The following SAMD8 variants were observed in gnomAD, a reference collection of about 807,000 sequenced individuals.
The protein encoded by SAMD8 is sterile alpha motif domain containing 8, also known as sphingomyelin synthase-related protein 1.
A neutral mutation model predicts 42.0 loss-of-function variants in SAMD8; 20 were observed. The observed-to-expected ratio is 0.48, with a 90% CI of 0.34 to 0.69. The LOEUF (loss-of-function observed/expected upper bound fraction) is 0.69. Ranked by LOEUF, SAMD8 falls within the 30% of genes least tolerant of loss-of-function variation. The pLI is 0.01. For synonymous variants in SAMD8, 162 were observed against 173.0 expected (o/e 0.94, Z 0.50); for missense variants, 328 against 511.6 (o/e 0.64, Z 3.46).
intron 4 of SAMD8, 84 bp from the exon 5 acceptor site, chr10:75,175,982 A>G (rs1840982158): frequency 6.5e-7 from 1 of 1,534,094 alleles, no homozygotes; most frequent in Non-Finnish European, 8.7e-7. Flanking sequence ...GTTATTCAGC[A>G]TTTGAATTTC....
intron 1 of SAMD8, among the ~76,000 whole-genome samples, chr10:75,100,613 G>A (rs1373980621): frequency 6.6e-6 from 1 of 152,128 alleles, no homozygotes; most frequent in Non-Finnish European, 1.5e-5. Flanking sequence ...GGGCCCGGCC[G>A]AGCTCCCCTC....
chr10:75,161,912 C>T (rs1435918170), intron 2 of SAMD8, among the ~76,000 whole-genome samples: 3 of 151,996 alleles, frequency 2.0e-5, no homozygotes, highest in Non-Finnish European at 4.4e-5. Flanking sequence ...TGGCAGGTGC[C>T]TATAATCCCA....
At chr10:75,121,511 T>C (rs1298375638) in intron 1 of SAMD8, among the ~76,000 whole-genome samples, 1 of 152,226 alleles carries the variant, frequency 6.6e-6, no homozygotes, top group African/African-American at 2.4e-5. Flanking sequence ...TTTCTGTTTG[T>C]AATCTCTGGA....
At position 75,111,686 on chromosome 10, in the gene SAMD8, G is replaced by T; in HGVS notation, c.-52G>T. 1 of 1,237,864 alleles carries T rather than the reference G, an allele frequency of 8.1e-7. No homozygotes were observed. 76.7% of individuals were successfully genotyped at this position (1,237,864 alleles called of 1,614,324 possible). A position where few individuals can be genotyped will look rare whatever the true frequency, so the allele number is the denominator to read the frequency against. ...CCGACGGCGGCTCGGACGCCGACTC[G>T]GAGGTGGGTCCGGGGAGCCCGACTC... On this transcript the variant is annotated 5_prime_UTR_variant, in exon 1 of 6. Coordinates refer to ENST00000542569, the MANE Select transcript of SAMD8 (RefSeq NM_001174156.2).
At chr10:75,136,321 A>G (rs1839885061) in intron 1 of SAMD8, among the ~76,000 whole-genome samples, 1 of 152,228 alleles carries the variant, frequency 6.6e-6, no homozygotes, top group African/African-American at 2.4e-5. Flanking sequence ...TTTTTGAAAT[A>G]AAACATGTCA....
chr10:75,153,072 C>T (rs1452576220), intron 2 of SAMD8, among the ~76,000 whole-genome samples: 4 of 152,090 alleles, frequency 2.6e-5, no homozygotes, highest in African/African-American at 9.7e-5. Context: ...ACCTCCGCCT[C>T]CTGGGTTCAA....
At chr10:75,161,527 G>T (rs773596440) in intron 2 of SAMD8, among the ~76,000 whole-genome samples, 4 of 151,430 alleles carry the variant, frequency 2.6e-5, no homozygotes, top group African/African-American at 9.7e-5. Flanking sequence ...GAAACCAGAC[G>T]TCTGAGAAAA....
chr10:75,151,646 C>T (rs1398459792), intron 2 of SAMD8, among the ~76,000 whole-genome samples: 1 of 151,960 alleles, frequency 6.6e-6, no homozygotes, highest in Non-Finnish European at 1.5e-5. Context: ...GCCATCATGG[C>T]CTGGACTGCT....
intron 1 of SAMD8, among the ~76,000 whole-genome samples, chr10:75,124,661 C>T (rs181161934): frequency 1.8e-4 from 27 of 150,176 alleles, no homozygotes; most frequent in African/African-American, 4.4e-4. Flanking sequence ...GAGAGCAAAA[C>T]GGTACACATA....
At chr10:75,153,895 G>A (rs1004700792) in intron 2 of SAMD8, among the ~76,000 whole-genome samples, 1 of 151,894 alleles carries the variant, frequency 6.6e-6, no homozygotes, top group Non-Finnish European at 1.5e-5. Context: ...CTCCCAAGTA[G>A]CTGGGATTAC....
intron 4 of SAMD8, among the ~76,000 whole-genome samples, chr10:75,173,310 TGCTTGAAATTGCATTCCTGGAA>T (rs1482000600): frequency 3.9e-5 from 6 of 152,234 alleles, no homozygotes; most frequent in Admixed American, 3.9e-4. Flanking sequence ...ATAAATTAAT[TGCTTGAAATTGCATTCCTGGAA>T]GTAAGGGGTT....
intron 2 of SAMD8, among the ~76,000 whole-genome samples, chr10:75,158,173 AAAAAG>A (rs943857116): frequency 2.0e-5 from 3 of 151,716 alleles, no homozygotes; most frequent in Admixed American, 6.6e-5. Context: ...AAAAAAAGAA[AAAAAG>A]AAGGAAGTAA....
upstream of SAMD8, chr10:75,108,342 T>C (rs1564669607): frequency 3.5e-6 from 5 of 1,438,250 alleles, no homozygotes; most frequent in African/African-American, 7.2e-5. Flanking sequence ...AAGCTCCAAG[T>C]GGGGTCTGAC....
intron 2 of SAMD8, among the ~76,000 whole-genome samples, chr10:75,153,091 C>T (rs1002661815): frequency 7.9e-5 from 12 of 151,986 alleles, no homozygotes; most frequent in African/African-American, 2.7e-4. Flanking sequence ...AAGTGATTCT[C>T]CTGCCTCAGC....
intron 1 of SAMD8, among the ~76,000 whole-genome samples, chr10:75,118,494 A>C (rs547704798): frequency 1.3e-5 from 2 of 152,244 alleles, no homozygotes; most frequent in South Asian, 4.1e-4. Flanking sequence ...AAATATAAAA[A>C]TTAGCCAGGT....
upstream of SAMD8, chr10:75,108,958 A>G (rs1589923501): frequency 6.5e-7 from 1 of 1,548,352 alleles, no homozygotes; most frequent in South Asian, 1.2e-5. Context: ...GCGACCAAGA[A>G]CTGCCTCTCC....
At chr10:75,103,142 G>C (rs1163989227) in intron 1 of SAMD8, among the ~76,000 whole-genome samples, 1 of 152,218 alleles carries the variant, frequency 6.6e-6, no homozygotes, top group Non-Finnish European at 1.5e-5. Context: ...GGGTATTATA[G>C]AAGAAGGGCA....
chr10:75,146,195 C>T (rs543957630), intron 1 of SAMD8, among the ~76,000 whole-genome samples: 6 of 151,482 alleles, frequency 4.0e-5, no homozygotes, highest in Non-Finnish European at 7.4e-5. Flanking sequence ...AACTCAAGGC[C>T]GTAACCTGGG....
chr10:75,167,079 A>G (rs1840701209), intron 3 of SAMD8, among the ~76,000 whole-genome samples: 1 of 152,196 alleles, frequency 6.6e-6, no homozygotes, highest in African/African-American at 2.4e-5. Context: ...GTCCAACAGT[A>G]CTGGTGTTGT....
Sources: allele counts gnomAD v4.1 joint callset (sites outside exome capture counted in the v4.1 genomes callset), GRCh38; gene constraint gnomAD v4.1.1; transcripts MANE v1.5; gene names NCBI Gene and HGNC (gene_info 2026-07-23, HGNC 2026-07-21).